CORIN: variants seen among roughly 807,000 people sequenced by gnomAD.
CORIN encodes atrial natriuretic peptide-converting enzyme.
A neutral mutation model predicts 125.3 loss-of-function variants in CORIN; 117 were observed. The observed-to-expected ratio is 0.93, with a 90% CI of 0.80 to 1.09. The LOEUF is 1.09. Ranked by LOEUF, CORIN falls within the 50% of genes least tolerant of loss-of-function variation. The probability of loss-of-function intolerance (pLI) is 0.00; values close to 1 mark genes in which losing one functional copy is unlikely to be tolerated. For synonymous variants in CORIN, 450 were observed against 466.4 expected, an observed-to-expected ratio of 0.96 and a Z score of 0.45; for missense variants, 1,253 against 1,306.7, an observed-to-expected ratio of 0.96 and a Z score of 0.63.
At chr4:47,779,523 G>A (rs1341776787) in intron 3 of CORIN, among the ~76,000 whole-genome samples, 2 of 149,062 alleles carry the variant, frequency 1.3e-5, no homozygotes, top group South Asian at 2.1e-4. Flanking sequence ...TGCAACCTCC[G>A]CCCCCAGGTT....
rs747005153 is a variant in CORIN at position 47,643,250 on chromosome 4, C to T, written c.1964G>A (p.Cys655Tyr). 3 of 1,594,442 alleles carry T rather than the reference C, an allele frequency of 1.9e-6. No homozygotes were observed. Among genetic ancestry groups the T allele is most frequent in the Non-Finnish European group, 1.7e-6 (2 of 1,169,534 alleles). The change falls in exon 15 of 22, where the codon TGC becomes TAC. Residue 655 changes from cysteine to tyrosine, a missense_variant. By Grantham distance (194) the Cys-to-Tyr change is radical (BLOSUM62 -2). Transcript: ENST00000273857. ...TGCACATTCCAGCTCATCATCTTGGCAAAATGCTGGCATGGGGAACAAAAA... is the reference window on the plus strand; with the variant it reads ...TGCACATTCCAGCTCATCATCTTGGTAAAATGCTGGCATGGGGAACAAAAA... ...DYMDEKNCSF[C>Y]QDDELECANH...
At chr4:47,725,611 TTAGGCAAA>T (rs1727558609) in intron 5 of CORIN, among the ~76,000 whole-genome samples, 1 of 152,090 alleles carries the variant, frequency 6.6e-6, no homozygotes, top group Non-Finnish European at 1.5e-5. Flanking sequence ...ACCTTATACC[TTAGGCAAA>T]AAGTAACTCA....
intron 1 of CORIN, among the ~76,000 whole-genome samples, chr4:47,828,930 G>A (rs1039453566): frequency 1.1e-4 from 17 of 151,932 alleles, no homozygotes; most frequent in Admixed American, 9.8e-4. Flanking sequence ...AGGCCGAGGC[G>A]GACGGATCAC....
intron 5 of CORIN, among the ~76,000 whole-genome samples, chr4:47,729,617 G>T (rs779187249): frequency 6.6e-6 from 1 of 152,158 alleles, no homozygotes; most frequent in Non-Finnish European, 1.5e-5. Flanking sequence ...ATACAGACGG[G>T]AGGTGGAAAT....
chr4:47,757,663 T>C (rs867255062), intron 4 of CORIN, among the ~76,000 whole-genome samples: 5 of 151,554 alleles, frequency 3.3e-5, no homozygotes, highest in Admixed American at 2.0e-4. Context: ...TGAAAACTAA[T>C]ATAATAATGG....
chr4:47,688,740 A>G (rs903913814), intron 6 of CORIN, among the ~76,000 whole-genome samples: 2 of 152,246 alleles, frequency 1.3e-5, no homozygotes, highest in African/African-American at 4.8e-5. Flanking sequence ...AACATGATTC[A>G]TACATAGTAG....
chr4:47,765,627 G>A (rs539635609), intron 3 of CORIN, among the ~76,000 whole-genome samples: 6 of 152,200 alleles, frequency 3.9e-5, no homozygotes, highest in African/African-American at 1.4e-4. Context: ...TTGAATTCTC[G>A]CCAACAATGT....
chr4:47,683,900 A>C (rs1725398691), intron 6 of CORIN, 62 bp from the exon 7 acceptor site: 1 of 1,248,240 alleles, frequency 8.0e-7, no homozygotes, highest in East Asian at 2.3e-5. Context: ...TTGTAGTACG[A>C]TATTTAACAA....
chr4:47,743,709 AC>A lies in CORIN; in HGVS notation c.799+692del, dbSNP rs374956857. On this transcript the variant is annotated intron_variant, in intron 5 of 21. Coordinates refer to ENST00000273857, the MANE Select transcript of CORIN (RefSeq NM_006587.4). The stretch of plus-strand genomic sequence containing the variant: ...AGACCAGCCTGGCCAACATGGCGAA[AC>A]CATGTCTCTACTAAAAATACAAAAG... Among the ~76,000 whole-genome samples, 33 of 152,368 alleles carry A rather than the reference AC, an allele frequency of 2.2e-4. 1 individual carries two copies. In the South Asian group the frequency reaches 6.8e-3, roughly 32 times the overall value.
intron 8 of CORIN, 57 bp from the exon 9 acceptor site, chr4:47,678,111 C>G (rs1299757079): frequency 1.7e-6 from 2 of 1,205,272 alleles, no homozygotes; most frequent in East Asian, 2.3e-5. Context: ...TCTCAATCTG[C>G]ACATCAAATA....
chr4:47,719,248 C>A (rs1301782442), intron 5 of CORIN, among the ~76,000 whole-genome samples: 1 of 152,162 alleles, frequency 6.6e-6, no homozygotes, highest in Non-Finnish European at 1.5e-5. Context: ...TTCCTTCTAC[C>A]TTTTGCTCTT....
intron 16 of CORIN, chr4:47,632,042 A>T (rs1012569796): frequency 1.3e-5 from 2 of 152,070 alleles, no homozygotes; most frequent in South Asian, 4.1e-4. Flanking sequence ...AATTTGGCCT[A>T]CTCTCCCATC....
intron 6 of CORIN, among the ~76,000 whole-genome samples, chr4:47,688,272 C>A (rs752533571): frequency 3.9e-5 from 6 of 152,070 alleles, no homozygotes; most frequent in Non-Finnish European, 7.4e-5. Flanking sequence ...ATTTTTTTGA[C>A]TTTGTGATAT....
intron 5 of CORIN, among the ~76,000 whole-genome samples, chr4:47,704,832 G>A (rs1261476130): frequency 6.6e-6 from 1 of 152,124 alleles, no homozygotes; most frequent in Admixed American, 6.5e-5. Context: ...ATACTTCTGA[G>A]AGAAGGTTCA....
At chr4:47,781,886 C>T (rs939679726) in intron 3 of CORIN, among the ~76,000 whole-genome samples, 5 of 151,142 alleles carry the variant, frequency 3.3e-5, no homozygotes, top group South Asian at 2.1e-4. Flanking sequence ...TGCAGTGAGC[C>T]GAGATCATGC....
chr4:47,777,654 A>G (rs570033577), intron 3 of CORIN, among the ~76,000 whole-genome samples: 1 of 152,334 alleles, frequency 6.6e-6, no homozygotes, highest in South Asian at 2.1e-4. Context: ...CAAACACCAC[A>G]TGTGAATATT....
rs770017676 is a variant in CORIN at position 47,763,384 on chromosome 4, A to T, written c.612T>A (p.Asp204Glu). ...LAFPECIIDG[D>E]DSHGLLPCRS... ...TAATCTGGGTTCCGAAATACCTGTC[A>T]TCGCCATCAATGATGCACTCAGGGA... The change falls in exon 4 of 22, where the codon GAT becomes GAA. Residue 204 changes from aspartate (D) to glutamate (E), a missense_variant. Asp to Glu is a conservative substitution (Grantham distance 45, BLOSUM62 2). Transcript: ENST00000273857. 6.2e-7 allele frequency: 1 copy of T among 1,612,692 alleles called. No individual in the cohort carries two copies. Among genetic ancestry groups the T allele is most frequent in the Non-Finnish European group, 8.5e-7 (1 of 1,179,044 alleles).
chr4:47,772,876 G>T (rs1209986019), intron 3 of CORIN, among the ~76,000 whole-genome samples: 2 of 152,068 alleles, frequency 1.3e-5, no homozygotes, highest in Admixed American at 1.3e-4. Context: ...GAGGCAGAAA[G>T]CTTTCATTCT....
chr4:47,723,833 A>T (rs915798149), intron 5 of CORIN, among the ~76,000 whole-genome samples: 5 of 151,822 alleles, frequency 3.3e-5, no homozygotes, highest in African/African-American at 1.2e-4. Flanking sequence ...TGTCTCTACT[A>T]AAAATACAAA....
Sources: gnomAD v4.1 joint callset for allele counts (sites outside exome capture counted in the v4.1 genomes callset) on GRCh38, gnomAD v4.1.1 for gene constraint, MANE v1.5 for transcripts, NCBI Gene and HGNC (gene_info 2026-07-23, HGNC 2026-07-21) for gene names.